SLC4A4: variants seen among roughly 807,000 people sequenced by gnomAD.
SLC4A4 encodes the protein solute carrier family 4 member 4, also known as electrogenic sodium bicarbonate cotransporter 1.
A neutral mutation model predicts 111.5 loss-of-function variants in SLC4A4; 27 were observed. The observed-to-expected ratio is 0.24, with a 90% CI of 0.18 to 0.33. The LOEUF (loss-of-function observed/expected upper bound fraction) is 0.33, where lower values mean the gene tolerates loss of function less well. Ranked by LOEUF, SLC4A4 falls within the 10% of genes least tolerant of loss-of-function variation. The pLI, the probability that SLC4A4 is intolerant of heterozygous loss-of-function variation, is 1.00. For synonymous variants in SLC4A4, 443 were observed against 463.4 expected (o/e 0.96, Z 0.57); for missense variants, 909 against 1,315.5 (o/e 0.69, Z 4.78).
intron 1 of SLC4A4, among the ~76,000 whole-genome samples, chr4:71,212,456 G>A (rs1452489694): frequency 6.6e-6 from 1 of 152,218 alleles, no homozygotes; most frequent in Non-Finnish European, 1.5e-5. Context: ...CTTGCTGGGA[G>A]CAGAGGGTGA....
chr4:71,546,741 C>T (rs1204081945), intron 19 of SLC4A4, among the ~76,000 whole-genome samples: 1 of 151,688 alleles, frequency 6.6e-6, no homozygotes, highest in Non-Finnish European at 1.5e-5. Flanking sequence ...CATGGATTTC[C>T]AAAAGGCTAA....
At chr4:71,142,334 A>C (rs1744020351) in intron 2 of SLC4A4, among the ~76,000 whole-genome samples, 1 of 152,232 alleles carries the variant, frequency 6.6e-6, no homozygotes, top group Non-Finnish European at 1.5e-5. Context: ...AGTGGGAAGC[A>C]ATGCAGCTTC....
intron 7 of SLC4A4, among the ~76,000 whole-genome samples, chr4:71,428,719 C>A (rs2149037602): frequency 6.6e-6 from 1 of 151,836 alleles, no homozygotes; most frequent in South Asian, 2.1e-4. Flanking sequence ...CAGATATTTG[C>A]CCAGGAAAAC....
chr4:71,506,032 T>C (rs963330604), intron 16 of SLC4A4, among the ~76,000 whole-genome samples: 7 of 152,138 alleles, frequency 4.6e-5, no homozygotes, highest in Non-Finnish European at 7.3e-5. Context: ...GATTTTCTAT[T>C]TAGTTCCATT....
chr4:71,146,135 C>G lies in SLC4A4; in HGVS notation c.-2+53343C>G, dbSNP rs558024932. On this transcript the variant is annotated intron_variant, in intron 2 of 26. Transcript: ENST00000649996. ...CCGCTTTGAATGTGTCCCAGAGATT[C>G]TGGTATGTTGTGTCTTTGTTCTCAT... Among the ~76,000 whole-genome samples the G allele has an allele frequency of 2.4e-4, 37 of 152,302 alleles. No homozygotes were observed. The South Asian group carries it at 7.5e-3, about 31-fold the overall frequency.
chr4:71,269,768 A>T (rs1722569809), intron 3 of SLC4A4, among the ~76,000 whole-genome samples: 1 of 152,174 alleles, frequency 6.6e-6, no homozygotes, highest in African/African-American at 2.4e-5. Flanking sequence ...AAGAAAGCAA[A>T]ATTTGTTAAA....
chr4:71,408,813 A>G (rs939570872), intron 7 of SLC4A4, among the ~76,000 whole-genome samples: 1 of 152,002 alleles, frequency 6.6e-6, no homozygotes. Context: ...TATTATTTTC[A>G]TCACTGATGT....
intron 2 of SLC4A4, among the ~76,000 whole-genome samples, chr4:71,153,531 T>C (rs1370667952): frequency 1.3e-5 from 2 of 152,168 alleles, no homozygotes; most frequent in East Asian, 1.9e-4. Flanking sequence ...GTTAACCTCA[T>C]TGAGCTTCAC....
At chr4:71,172,612 A>G (rs1744976437) in intron 2 of SLC4A4, among the ~76,000 whole-genome samples, 1 of 152,244 alleles carries the variant, frequency 6.6e-6, no homozygotes, top group Admixed American at 6.5e-5. Flanking sequence ...AAGTTTAAGC[A>G]AGTAAAAATT....
intron 12 of SLC4A4, among the ~76,000 whole-genome samples, chr4:71,457,748 C>G (rs1726419581): frequency 1.3e-5 from 2 of 152,096 alleles, no homozygotes; most frequent in Non-Finnish European, 2.9e-5. Context: ...CATGCCAACT[C>G]ACTACATTAT....
intron 1 of SLC4A4, among the ~76,000 whole-genome samples, chr4:71,217,557 C>T (rs1560786663): frequency 6.6e-6 from 1 of 151,984 alleles, no homozygotes; most frequent in South Asian, 2.1e-4. Context: ...AGTGAGACTC[C>T]ATCTCAAAAA....
At chr4:71,111,524 GTTTTTTTTTTTTT>G (rs150777420) in intron 2 of SLC4A4, among the ~76,000 whole-genome samples, 10 of 60,818 alleles carry the variant, frequency 1.6e-4, no homozygotes, top group South Asian at 2.0e-3. Flanking sequence ...CCACGCTCAG[GTTTTTTTTTTTTT>G]TTTTTTTTTT....
intron 6 of SLC4A4, among the ~76,000 whole-genome samples, chr4:71,371,814 T>C (rs913412349): frequency 1.3e-5 from 2 of 152,180 alleles, no homozygotes; most frequent in Non-Finnish European, 2.9e-5. Flanking sequence ...TTGTGTCTCC[T>C]CTGGTGCAGG....
chr4:71,469,889 C>A (rs528940285), intron 13 of SLC4A4, among the ~76,000 whole-genome samples: 48 of 151,868 alleles, frequency 3.2e-4, no homozygotes, highest in Non-Finnish European at 6.8e-4. Context: ...ATACATGTAT[C>A]TTTTCCTTTG....
intron 3 of SLC4A4, among the ~76,000 whole-genome samples, chr4:71,305,544 T>C (rs1391323332): frequency 6.6e-6 from 1 of 152,244 alleles, no homozygotes; most frequent in African/African-American, 2.4e-5. Context: ...TAGCAAAAGA[T>C]ACTAGTGTGA....
At chr4:71,540,390 A>G (rs966595220) in intron 18 of SLC4A4, among the ~76,000 whole-genome samples, 1 of 152,198 alleles carries the variant, frequency 6.6e-6, no homozygotes, top group Non-Finnish European at 1.5e-5. Flanking sequence ...GTATTAGTAA[A>G]GCATATACAA....
intron 2 of SLC4A4, among the ~76,000 whole-genome samples, chr4:71,163,663 G>A (rs572537262): frequency 6.6e-6 from 1 of 152,298 alleles, no homozygotes; most frequent in South Asian, 2.1e-4. Flanking sequence ...TTTTATTAAT[G>A]TAGTCTGCCT....
intron 7 of SLC4A4, among the ~76,000 whole-genome samples, chr4:71,425,974 G>A (rs1023992966): frequency 6.6e-6 from 1 of 152,036 alleles, no homozygotes; most frequent in Non-Finnish European, 1.5e-5. Context: ...TCTATAGAAT[G>A]TCAATTATCC....
chr4:71,209,360 G>A (rs942268112), intron 1 of SLC4A4, among the ~76,000 whole-genome samples: 7 of 152,130 alleles, frequency 4.6e-5, no homozygotes, highest in African/African-American at 1.7e-4. Flanking sequence ...GGGGAGACAG[G>A]GCAGACACAT....
Sources: gnomAD v4.1 joint callset for allele counts (sites outside exome capture counted in the v4.1 genomes callset) on GRCh38, gnomAD v4.1.1 for gene constraint, MANE v1.5 for transcripts, NCBI Gene and HGNC (gene_info 2026-07-23, HGNC 2026-07-21) for gene names.